PHF2: variants seen among roughly 807,000 people sequenced by gnomAD.
The protein encoded by PHF2 is lysine-specific demethylase PHF2.
A neutral mutation model predicts 120.5 loss-of-function variants in PHF2; 27 were observed. That is an observed-to-expected ratio of 0.22 (90% CI 0.17 to 0.31). The LOEUF (loss-of-function observed/expected upper bound fraction) is 0.31. Ranked by LOEUF, PHF2 falls within the 10% of genes least tolerant of loss-of-function variation. The pLI, the probability that PHF2 is intolerant of heterozygous loss-of-function variation, is 1.00. For missense variants in PHF2, 1,024 were observed against 1,434.8 expected (o/e 0.71, Z 4.63); for synonymous variants, 568 against 592.5 (o/e 0.96, Z 0.60).
intron 18 of PHF2, among the ~76,000 whole-genome samples, chr9:93,674,210 G>A (rs1013291732): frequency 2.6e-5 from 4 of 152,082 alleles, no homozygotes; most frequent in African/African-American, 4.8e-5. Context: ...GACAGGCCCC[G>A]GAGGTTGAAG....
At chr9:93,635,703 C>T (rs992285320) in intron 2 of PHF2, among the ~76,000 whole-genome samples, 3 of 152,120 alleles carry the variant, frequency 2.0e-5, no homozygotes, top group Admixed American at 2.0e-4. Context: ...TATGTGTGTG[C>T]CTGCATTGTT....
chr9:93,654,912 A>T lies in PHF2; in HGVS notation c.952+337A>T, dbSNP rs915335969. 2.0e-5 allele frequency among the ~76,000 whole-genome samples: 3 copies of T among 152,252 alleles called. No homozygotes were observed. The East Asian group carries it at 5.8e-4, about 29-fold the overall frequency. ...ATCCTGGCTGGGCTCACTATGACCG[A>T]GCCCATGGCTGGAGACCCAGCTCAG... On this transcript the variant is annotated intron_variant, in intron 7 of 21. Coordinates refer to ENST00000359246, the MANE Select transcript of PHF2 (RefSeq NM_005392.4).
Position 93,668,483 on chromosome 9 carries a change from A to G in PHF2, c.2348+1243A>G, listed in dbSNP as rs546918119. Among the ~76,000 whole-genome samples the G allele has an allele frequency of 7.7e-4, 117 of 152,152 alleles. 1 individual carries two copies. Among genetic ancestry groups the G allele is most frequent in the South Asian group, 1.7e-3 (8 of 4,812 alleles). On this transcript the variant is annotated intron_variant, in intron 17 of 21. Coordinates refer to ENST00000359246, the MANE Select transcript of PHF2 (RefSeq NM_005392.4). ...ACACCCTAGGCCCCTCCCGAGGTCC[A>G]TGGAGAGGCCTGGGGGTCCTGGGGG...
At chr9:93,662,141 G>A (rs1826580498) in intron 12 of PHF2, among the ~76,000 whole-genome samples, 1 of 149,138 alleles carries the variant, frequency 6.7e-6, no homozygotes, top group South Asian at 2.1e-4. Context: ...ATGGATGGAT[G>A]GATGGATGGA....
At chr9:93,589,959 C>T (rs532932594) in intron 1 of PHF2, among the ~76,000 whole-genome samples, 156 of 152,346 alleles carry the variant, frequency 1.0e-3, no homozygotes, top group Non-Finnish European at 2.0e-3. Flanking sequence ...TCCTGCTTCC[C>T]CTGGTTGGCA....
chr9:93,576,945 G>C (rs2131590868), intron 1 of PHF2, 74 bp downstream of exon 1: 1 of 618,064 alleles, frequency 1.6e-6, no homozygotes, highest in South Asian at 6.7e-5. Context: ...CCGCGCCCCC[G>C]GCTGCGCGCC....
At chr9:93,642,844 G>T (rs1255840436) in intron 3 of PHF2, among the ~76,000 whole-genome samples, 1 of 151,914 alleles carries the variant, frequency 6.6e-6, no homozygotes, top group African/African-American at 2.4e-5. Flanking sequence ...TATTTTTTCA[G>T]CCATCTACTG....
intron 1 of PHF2, among the ~76,000 whole-genome samples, chr9:93,625,349 T>C (rs1825896830): frequency 6.6e-6 from 1 of 152,214 alleles, no homozygotes; most frequent in African/African-American, 2.4e-5. Flanking sequence ...CCATTGTATA[T>C]ACAGACTACA....
intron 1 of PHF2, among the ~76,000 whole-genome samples, chr9:93,629,134 C>T (rs978649362): frequency 3.9e-5 from 6 of 152,144 alleles, no homozygotes; most frequent in Admixed American, 2.6e-4. Flanking sequence ...CTCCTGACCT[C>T]AAGTGATCCG....
At chr9:93,662,872 G>C (rs755286472) in intron 12 of PHF2, 35 bp from the exon 13 acceptor site, 1 of 1,612,538 alleles carries the variant, frequency 6.2e-7, no homozygotes, top group Admixed American at 1.7e-5. Context: ...AGCCCTCTAT[G>C]TCTGCCTCTG....
intron 1 of PHF2, among the ~76,000 whole-genome samples, chr9:93,596,925 A>ATTTTT (rs1158735768): frequency 1.1e-5 from 1 of 88,520 alleles, no homozygotes; most frequent in African/African-American, 4.7e-5. Context: ...CGCCCAGCTA[A>ATTTTT]TTTTTTTTTT....
At chr9:93,593,084 C>CAAAAAA (rs200919035) in intron 1 of PHF2, among the ~76,000 whole-genome samples, 2 of 83,374 alleles carry the variant, frequency 2.4e-5, no homozygotes, top group Non-Finnish European at 2.4e-5. Context: ...TCCTTTATGC[C>CAAAAAA]AAAAAAAAAA....
chr9:93,576,893 G>C (rs746612969), intron 1 of PHF2, 22 bp downstream of exon 1: 1 of 1,100,236 alleles, frequency 9.1e-7, no homozygotes, highest in Non-Finnish European at 1.2e-6. Context: ...GCGGCTGCTC[G>C]GCTCGGCCCG....
At chr9:93,590,882 C>T (rs527427416) in intron 1 of PHF2, among the ~76,000 whole-genome samples, 11 of 152,336 alleles carry the variant, frequency 7.2e-5, no homozygotes, top group African/African-American at 2.6e-4. Flanking sequence ...ACATGAGCAG[C>T]ACTGCTGAGA....
chr9:93,594,264 C>A (rs938514847), intron 1 of PHF2, among the ~76,000 whole-genome samples: 1 of 151,742 alleles, frequency 6.6e-6, no homozygotes, highest in East Asian at 1.9e-4. Flanking sequence ...CAGAGCTACC[C>A]GAGGGCCCCT....
chr9:93,655,884 C>T, intron 7 of PHF2, 50 bp from the exon 8 acceptor site: 2 of 1,391,190 alleles, frequency 1.4e-6, no homozygotes, highest in Admixed American at 3.6e-5. Context: ...CATGAGAAGC[C>T]CGTTCATGGG....
chr9:93,582,032 G>T (rs1005082158), intron 1 of PHF2, among the ~76,000 whole-genome samples: 2 of 152,208 alleles, frequency 1.3e-5, no homozygotes, highest in Admixed American at 6.5e-5. Context: ...TTCAGTCGGG[G>T]TTTAATGCCA....
rs750205971 is a variant in PHF2, at chr9:93,660,174, C to G, written c.1330-18C>G. ...TTTGGCAGAAGCAGCATGTGACCCT[C>G]TCCTTTCTGTATCCCAGAATGCCTC... On this transcript the variant is annotated intron_variant, in intron 11 of 21. Transcript: ENST00000359246. 15 of 1,527,620 alleles carry G rather than the reference C, an allele frequency of 9.8e-6. No individual in the cohort carries two copies. In the African/African-American group the frequency reaches 2.1e-4, roughly 21 times the overall value. The allele number at this position is 1,527,620 out of a possible 1,614,324, so 94.6% of individuals were successfully genotyped here.
Position 93,676,968 on chromosome 9 carries a change from T to C in PHF2, c.3202+5T>C. On this transcript the variant is annotated splice_donor_5th_base_variant and intron_variant, in intron 21 of 21. Transcript: ENST00000359246. ...ACAACAACACCGCTGCCAAAGGTAC[T>C]GTGCCTGCTGGAGGGAGCCTGCAGC... 6.5e-7 allele frequency: 1 copy of C among 1,531,382 alleles called. No individual in the cohort carries two copies. Among genetic ancestry groups the C allele is most frequent in the Non-Finnish European group, 8.8e-7 (1 of 1,135,164 alleles). The allele number at this position is 1,531,382 out of a possible 1,614,324, so 94.9% of individuals were successfully genotyped here. A position where few individuals can be genotyped will look rare whatever the true frequency, so the allele number is the denominator to read the frequency against.
Sources: gnomAD v4.1 joint callset for allele counts (sites outside exome capture counted in the v4.1 genomes callset) on GRCh38, gnomAD v4.1.1 for gene constraint, MANE v1.5 for transcripts, NCBI Gene and HGNC (gene_info 2026-07-23, HGNC 2026-07-21) for gene names.